The following CFH variants were observed in gnomAD, a reference collection of about 807,000 sequenced individuals.
The protein encoded by CFH is H factor 1 (complement).
CFH carries 53 observed loss-of-function variants against 147.3 expected under a neutral mutation model. The ratio of observed to expected loss-of-function variants is 0.36; its 90% CI spans 0.29 to 0.45. The LOEUF is 0.45. CFH is among the 20% of genes least tolerant of loss of function. The pLI, the probability that CFH is intolerant of heterozygous loss-of-function variation, is 1.00. For missense variants in CFH, 1,380 were observed against 1,498.0 expected (o/e 0.92, Z 1.30); for synonymous variants, 536 against 489.4 (o/e 1.10, Z -1.26).
chr1:196,715,994 TTATAA>T lies in CFH; in HGVS notation c.1696+232_1696+236del, dbSNP rs751049222. ...GGCCACCTACCTTCCAGATTTGTGA[TTATAA>T]TATAATTGCTTTTGTTACCCTAAAT... is the stretch of plus-strand genomic sequence containing the variant. On this transcript the variant is annotated intron_variant, in intron 11 of 21. Coordinates refer to ENST00000367429, the MANE Select transcript of CFH (RefSeq NM_000186.4). Among the ~76,000 whole-genome samples the T allele has an allele frequency of 4.6e-5, 7 of 152,216 alleles. No individual in the cohort carries two copies. The South Asian group carries it at 1.2e-3, about 27-fold the overall frequency.
chr1:196,674,472 T>C (rs1667388632), intron 3 of CFH, among the ~76,000 whole-genome samples: 1 of 152,164 alleles, frequency 6.6e-6, no homozygotes, highest in Admixed American at 6.5e-5. Context: ...TCTTTCAGAA[T>C]CATTGACTCT....
chr1:196,736,666 C>T lies in CFH; in HGVS notation c.2414-158C>T, dbSNP rs959295951. On this transcript the variant is annotated intron_variant, in intron 15 of 21. Transcript: ENST00000367429. ...AAAGTATAATATTTGCATACAAAAA[C>T]ATCATAATTAATATGTGATAATTTA... is the stretch of plus-strand genomic sequence containing the variant. Among the ~76,000 whole-genome samples, 12 of 150,664 alleles carry T rather than the reference C, an allele frequency of 8.0e-5. No individual in the cohort carries two copies. In the South Asian group the frequency reaches 2.5e-3, roughly 31 times the overall value.
chr1:196,728,219 G>A (rs1352298132), intron 14 of CFH, 127 bp from the exon 15 acceptor site: 1 of 691,990 alleles, frequency 1.4e-6, no homozygotes, highest in African/African-American at 1.8e-5. Context: ...AACTTGGTTG[G>A]TGAAATTTAT....
intron 9 of CFH, chr1:196,690,512 G>GT: frequency 4.3e-6 from 2 of 469,300 alleles, no homozygotes; most frequent in Non-Finnish European, 7.8e-6. Context: ...AAATGAAGTC[G>GT]TATTGAAGCG....
At chr1:196,677,833 A>AT (rs1667510800) in intron 5 of CFH, 166 bp downstream of exon 5, 2 of 648,570 alleles carry the variant, frequency 3.1e-6, no homozygotes, top group South Asian at 3.7e-5. Context: ...GCATCATTTC[A>AT]TTTTAACTTT....
intron 9 of CFH, among the ~76,000 whole-genome samples, chr1:196,697,239 T>A (rs1239696473): frequency 1.3e-5 from 2 of 151,224 alleles, no homozygotes; most frequent in African/African-American, 4.9e-5. Context: ...TGGGAGAAAA[T>A]TTTTGCAATC....
At chr1:196,735,517 AAAT>A (rs1669379794) in intron 15 of CFH, among the ~76,000 whole-genome samples, 5 of 152,160 alleles carry the variant, frequency 3.3e-5, no homozygotes, top group Admixed American at 3.3e-4. Context: ...ACTTTAAATT[AAAT>A]AATAATGATT....
intron 9 of CFH, among the ~76,000 whole-genome samples, chr1:196,693,838 A>G (rs1668151927): frequency 6.6e-6 from 1 of 151,866 alleles, no homozygotes; most frequent in Admixed American, 6.6e-5. Flanking sequence ...GGGCATTTGC[A>G]TTGTTTTTGG....
chr1:196,669,320 T>C (rs963321519), intron 1 of CFH, among the ~76,000 whole-genome samples: 3 of 152,300 alleles, frequency 2.0e-5, no homozygotes, highest in Middle Eastern at 3.4e-3. Flanking sequence ...TGGAGAAATC[T>C]GTGTAAGGAA....
intron 5 of CFH, 46 bp downstream of exon 5, chr1:196,677,713 A>T: frequency 4.0e-6 from 6 of 1,500,398 alleles, no homozygotes; most frequent in Non-Finnish European, 3.7e-6. Flanking sequence ...TTTAAATGTA[A>T]ATATACATTT....
intron 18 of CFH, chr1:196,741,079 C>T (rs1335938813): frequency 2.5e-6 from 1 of 396,892 alleles, no homozygotes; most frequent in Non-Finnish European, 4.7e-6. Flanking sequence ...CATCAATCTC[C>T]ACATTATTCA....
chr1:196,668,730 A>G (rs1252055905), intron 1 of CFH, among the ~76,000 whole-genome samples: 3 of 152,192 alleles, frequency 2.0e-5, no homozygotes, highest in African/African-American at 7.2e-5. Context: ...CTATGATTGT[A>G]AGTTTCCTGA....
chr1:196,679,771 G>T lies in CFH; in HGVS notation c.768G>T (p.Trp256Cys). The stretch of plus-strand genomic sequence containing the variant: ...ATGCTGTATGCACTGAATCTGGATG[G>T]CGTCCGTTGCCTTCATGTGAAGGTA... ...RGDAVCTESG[W>C]RPLPSCEEKS... is the part of the protein sequence containing the mutation. The change falls in exon 6 of 22, where the codon TGG becomes TGT. Residue 256 changes from tryptophan (W) to cysteine (C), a missense_variant. By Grantham distance (215) the Trp-to-Cys change is radical (BLOSUM62 -2). Around this residue, in one of 4 missense-constraint regions of CFH, gnomAD observed 167 missense variants for 228.0 expected, o/e 0.73. Coordinates refer to ENST00000367429, the MANE Select transcript of CFH (RefSeq NM_000186.4). 6.2e-7 allele frequency: 1 copy of T among 1,611,134 alleles called. No homozygotes were observed. The highest frequency in any genetic ancestry group is 8.5e-7 in the Non-Finnish European group (1 of 1,178,166).
At chr1:196,695,438 C>T (rs1417097563) in intron 9 of CFH, among the ~76,000 whole-genome samples, 7 of 152,024 alleles carry the variant, frequency 4.6e-5, no homozygotes, top group African/African-American at 7.3e-5. Context: ...AATCAGGTAG[C>T]GTGATGCATC....
In CFH at chr1:196,695,680, C is replaced by T. The variant is rs147346980; in HGVS notation, c.1336+5441C>T. 3.7e-3 allele frequency among the ~76,000 whole-genome samples: 560 copies of T among 151,966 alleles called. 7 individuals are homozygous for T. The highest frequency in any genetic ancestry group is 0.012 in the African/African-American group (516 of 41,474). On this transcript the variant is annotated intron_variant, in intron 9 of 21. Coordinates refer to ENST00000367429, the MANE Select transcript of CFH (RefSeq NM_000186.4). ...ATTTATTTTGGCCCTCTCTTATTTC[C>T]CTGAGCAGTGGTTTGTAGTTCTCCT...
chr1:196,718,182 A>G (rs1008047834), intron 11 of CFH, among the ~76,000 whole-genome samples: 2 of 152,118 alleles, frequency 1.3e-5, no homozygotes, highest in Admixed American at 6.6e-5. Flanking sequence ...GCACAGGTCT[A>G]CTTATCCAGA....
At position 196,676,033 on chromosome 1, in the gene CFH, A is replaced by G; in HGVS notation, c.395A>G (p.Asp132Gly). The part of the protein sequence containing the change: ...GEINYRECDT[D>G]GWTNDIPICE... Reference sequence around the variant, plus strand: ...ATTAATTACCGTGAATGTGACACAGATGGATGGACCAATGATATTCCTATA... The same window carrying G: ...ATTAATTACCGTGAATGTGACACAGGTGGATGGACCAATGATATTCCTATA... Residue 132 changes from aspartate (D) to glycine (G), a missense_variant, in exon 4 of 22, where the codon GAT (aspartate) becomes GGT (glycine). Asp to Gly is a moderately conservative substitution (Grantham distance 94). Transcript: ENST00000367429. 4 of 1,610,622 alleles carry G rather than the reference A, an allele frequency of 2.5e-6. No homozygotes were observed. The highest frequency in any genetic ancestry group is 3.4e-6 in the Non-Finnish European group (4 of 1,177,404).
intron 11 of CFH, among the ~76,000 whole-genome samples, chr1:196,724,554 G>C (rs923448265): frequency 6.6e-6 from 1 of 152,024 alleles, no homozygotes; most frequent in East Asian, 1.9e-4. Context: ...GGTCCCACAG[G>C]GTCCTAGTCA....
chr1:196,684,687 C>T (rs1667765174), intron 6 of CFH, among the ~76,000 whole-genome samples: 1 of 151,892 alleles, frequency 6.6e-6, no homozygotes, highest in Non-Finnish European at 1.5e-5. Flanking sequence ...ATCAATTGTC[C>T]AGAAGAAAGA....
Sources: allele counts gnomAD v4.1 joint callset (sites outside exome capture counted in the v4.1 genomes callset), GRCh38; gene constraint gnomAD v4.1.1; regional missense constraint gnomAD v4.1.1; transcripts MANE v1.5; gene names NCBI Gene and HGNC (gene_info 2026-07-23, HGNC 2026-07-21).